The following SNX10 variants were observed in gnomAD, a reference collection of about 807,000 sequenced individuals.
SNX10 encodes the protein sorting nexin-10.
Under a neutral mutation model 28.5 loss-of-function variants are expected in SNX10, and 25 were observed. The ratio of observed to expected loss-of-function variants is 0.88; its 90% CI spans 0.64 to 1.22. The LOEUF is 1.22. Among genes scored for constraint, SNX10 ranks in the 50% most tolerant of loss-of-function variants. The pLI is 0.00. For missense variants in SNX10, 223 were observed against 242.6 expected (o/e 0.92, Z 0.54); for synonymous variants, 62 against 81.4 (o/e 0.76, Z 1.28).
intron 1 of SNX10, among the ~76,000 whole-genome samples, chr7:26,322,280 A>G (rs1007420813): frequency 6.6e-6 from 1 of 152,212 alleles, no homozygotes; most frequent in African/African-American, 2.4e-5. Context: ...GGAGTCTTGC[A>G]CAGGATTGCT....
intron 6 of SNX10, 72 bp downstream of exon 6, chr7:26,372,105 A>C (rs1183479141): frequency 1.0e-6 from 1 of 961,282 alleles, no homozygotes; most frequent in Admixed American, 2.3e-5. Flanking sequence ...GCACGTGTAT[A>C]GATATATATA....
At chr7:26,353,005 T>C (rs1276709462) in intron 2 of SNX10, among the ~76,000 whole-genome samples, 1 of 152,156 alleles carries the variant, frequency 6.6e-6, no homozygotes, top group Non-Finnish European at 1.5e-5. Context: ...TTTTCTGCAC[T>C]TTTCCTGATG....
intron 3 of SNX10, among the ~76,000 whole-genome samples, chr7:26,362,446 C>G (rs17153504): frequency 0.035 from 5,386 of 152,300 alleles, 149 homozygotes; most frequent in East Asian, 0.11. Context: ...TCAGAAATCT[C>G]CATCTGGAGC....
chr7:26,314,922 C>T (rs60423963), intron 1 of SNX10, among the ~76,000 whole-genome samples: 19,343 of 151,916 alleles, frequency 0.13, 2,695 homozygotes, highest in African/African-American at 0.33. Context: ...CACTTGAACC[C>T]GAAAGGCAGA....
intron 1 of SNX10, among the ~76,000 whole-genome samples, chr7:26,306,468 G>A (rs1786598385): frequency 6.7e-6 from 1 of 149,918 alleles, no homozygotes; most frequent in African/African-American, 2.5e-5. Flanking sequence ...CTGGAGTGTA[G>A]TGATATGATC....
At chr7:26,325,783 A>G (rs1787481803) in intron 1 of SNX10, among the ~76,000 whole-genome samples, 1 of 150,668 alleles carries the variant, frequency 6.6e-6, no homozygotes, top group South Asian at 2.1e-4. Flanking sequence ...GCTGGAGTGC[A>G]GTGGTGTGAT....
At chr7:26,367,397 T>C (rs34772540) in intron 5 of SNX10, among the ~76,000 whole-genome samples, 7,597 of 152,264 alleles carry the variant, frequency 0.05, 449 homozygotes, top group African/African-American at 0.14. Context: ...ATCATGGAAT[T>C]GGCAGGGGGT....
intron 2 of SNX10, chr7:26,357,159 G>T: frequency 2.4e-6 from 1 of 424,326 alleles, no homozygotes. Flanking sequence ...AGGATGTGGT[G>T]AGTAGGGACT....
intron 1 of SNX10, among the ~76,000 whole-genome samples, chr7:26,330,254 G>A (rs1787685635): frequency 6.6e-6 from 1 of 152,094 alleles, no homozygotes; most frequent in Non-Finnish European, 1.5e-5. Context: ...GGTCGGCAAA[G>A]CCACAGGCAT....
In SNX10 at chr7:26,353,459, T is replaced by TTTTTTG. The variant is rs1554359898; in HGVS notation, c.24+6994_24+6995insTTTTGT. ...ATGCTTTTTTTTTTTTTTTTTTTTT[T>TTTTTTG]TGGTGGGGAGACAGAGTCTTGGTCT... is the stretch of plus-strand genomic sequence containing the variant. On this transcript the variant is annotated intron_variant, in intron 2 of 6. Coordinates refer to ENST00000338523, the MANE Select transcript of SNX10 (RefSeq NM_013322.3). 3.9e-4 allele frequency among the ~76,000 whole-genome samples: 23 copies of TTTTTTG among 58,402 alleles called. 1 individual carries two copies. The highest frequency in any genetic ancestry group is 5.4e-4 in the African/African-American group (12 of 22,414). 38.3% of individuals were successfully genotyped at this position (58,402 alleles called of 152,430 possible).
chr7:26,328,413 G>A (rs1457383719), intron 1 of SNX10, among the ~76,000 whole-genome samples: 1 of 152,182 alleles, frequency 6.6e-6, no homozygotes, highest in African/African-American at 2.4e-5. Flanking sequence ...GTAAGTTTGA[G>A]GTGTGTGCAG....
At chr7:26,319,290 T>C (rs188932085) in intron 1 of SNX10, among the ~76,000 whole-genome samples, 2,500 of 71,676 alleles carry the variant, frequency 0.035, 74 homozygotes, top group African/African-American at 0.069. Flanking sequence ...AAATTAAATA[T>C]ACTTATGAAA....
intron 1 of SNX10, among the ~76,000 whole-genome samples, chr7:26,317,819 C>T (rs144656070): frequency 6.6e-4 from 100 of 152,174 alleles, no homozygotes; most frequent in African/African-American, 2.1e-3. Context: ...CATACTACCA[C>T]GCCCAGCTAA....
intron 1 of SNX10, among the ~76,000 whole-genome samples, chr7:26,309,950 A>C (rs1786756110): frequency 6.6e-6 from 1 of 152,230 alleles, no homozygotes; most frequent in African/African-American, 2.4e-5. Context: ...CAAGCTTTGC[A>C]CGGTGTCTGG....
intron 1 of SNX10, among the ~76,000 whole-genome samples, chr7:26,344,781 A>G (rs1788314642): frequency 6.6e-6 from 1 of 152,120 alleles, no homozygotes; most frequent in African/African-American, 2.4e-5. Context: ...TGTCTTTCCA[A>G]CCTAATCTCG....
chr7:26,303,586 C>T (rs1279598753), intron 1 of SNX10, among the ~76,000 whole-genome samples: 1 of 152,214 alleles, frequency 6.6e-6, no homozygotes, highest in Non-Finnish European at 1.5e-5. Flanking sequence ...CATTCCCTTG[C>T]TTGTTTCTCT....
chr7:26,334,655 G>A (rs1787856671), intron 1 of SNX10, among the ~76,000 whole-genome samples: 1 of 152,114 alleles, frequency 6.6e-6, no homozygotes, highest in Admixed American at 6.5e-5. Flanking sequence ...ATAGAGATTA[G>A]CAAGTTAGTG....
Position 26,364,088 on chromosome 7 carries a change from T to C in SNX10, c.112-447T>C, listed in dbSNP as rs566295659. Among the ~76,000 whole-genome samples the C allele has an allele frequency of 7.2e-5, 11 of 152,300 alleles. 1 individual carries two copies. The highest frequency in any genetic ancestry group is 3.4e-3 in the Middle Eastern group (1 of 294). Reference sequence around the variant, plus strand: ...CTGCAGGGTGGCCATGTCAAGGAGATGAAGATTTCTGCAATGTCTCATAAA... The same window carrying C: ...CTGCAGGGTGGCCATGTCAAGGAGACGAAGATTTCTGCAATGTCTCATAAA... On this transcript the variant is annotated intron_variant, in intron 3 of 6. Coordinates refer to ENST00000338523, the MANE Select transcript of SNX10 (RefSeq NM_013322.3). This position sits in a 1 kb window ranked among gnomAD's most constrained non-coding sequence, Gnocchi z 4.9.
At chr7:26,300,542 G>T (rs1584087300) in intron 1 of SNX10, among the ~76,000 whole-genome samples, 1 of 152,150 alleles carries the variant, frequency 6.6e-6, no homozygotes, top group Non-Finnish European at 1.5e-5. Context: ...GGGAGGGGTG[G>T]TCTCTGCTAG....
Sources: allele counts gnomAD v4.1 joint callset (sites outside exome capture counted in the v4.1 genomes callset), GRCh38; gene constraint gnomAD v4.1.1; non-coding constraint Gnocchi (gnomAD v3.1); transcripts MANE v1.5; gene names NCBI Gene and HGNC (gene_info 2026-07-23, HGNC 2026-07-21).